The following BTN3A3 variants were observed in gnomAD, a reference collection of about 807,000 sequenced individuals.
The protein encoded by BTN3A3 is butyrophilin 3.
BTN3A3 carries 39 observed loss-of-function variants against 43.2 expected under a neutral mutation model. The ratio of observed to expected loss-of-function variants is 0.90; its 90% CI spans 0.70 to 1.18. The LOEUF is 1.18. BTN3A3 is among the 50% of genes most tolerant of loss of function. BTN3A3 has a pLI of 0.00. For missense variants in BTN3A3, 631 were observed against 722.8 expected (o/e 0.87, Z 1.46); for synonymous variants, 255 against 272.7 (o/e 0.93, Z 0.64).
At chr6:26,448,084 G>A (rs1329869291) in intron 5 of BTN3A3, among the ~76,000 whole-genome samples, 164 bp from the exon 6 acceptor site, 4 of 152,154 alleles carry the variant, frequency 2.6e-5, no homozygotes, top group Non-Finnish European at 4.4e-5. Context: ...GTTTACCAAA[G>A]TCCTCTCTAC....
chr6:26,443,874 G>A (rs934771022), intron 3 of BTN3A3, 83 bp from the exon 4 acceptor site: 71 of 1,600,452 alleles, frequency 4.4e-5, no homozygotes, highest in African/African-American at 2.7e-4. Context: ...TCTGTATCTC[G>A]CCTTCCCTGT....
intron 8 of BTN3A3, among the ~76,000 whole-genome samples, chr6:26,448,961 G>A (rs1487443364): frequency 6.6e-6 from 1 of 151,782 alleles, no homozygotes; most frequent in South Asian, 2.1e-4. Flanking sequence ...TCTAAGAAAA[G>A]AAAAAGAGGT....
chr6:26,444,778 G>T, intron 4 of BTN3A3: 1 of 247,880 alleles, frequency 4.0e-6, no homozygotes, highest in Non-Finnish European at 7.9e-6. Flanking sequence ...TTGTTGCTTT[G>T]AGGAAGAACA....
chr6:26,442,958 A>G (rs1438103088), intron 1 of BTN3A3, among the ~76,000 whole-genome samples: 3 of 152,228 alleles, frequency 2.0e-5, no homozygotes, highest in African/African-American at 4.8e-5. Flanking sequence ...TGCTCAGTAA[A>G]TACTTGTTGA....
chr6:26,448,809 C>A (rs1437265876), intron 8 of BTN3A3, 55 bp downstream of exon 8: 2 of 1,607,652 alleles, frequency 1.2e-6, no homozygotes, highest in Non-Finnish European at 1.7e-6. Flanking sequence ...TGACTCTCTT[C>A]TGCTTGGAAA....
chr6:26,448,449 G>T lies in BTN3A3; in HGVS notation c.916+1G>T. ...ACAGAGCAAGAAATAAGCCTAAGAGGTATCCAACGCAAGCAGAGAATCTAA... is the reference window on the plus strand; with the variant it reads ...ACAGAGCAAGAAATAAGCCTAAGAGTTATCCAACGCAAGCAGAGAATCTAA... On this transcript the variant is annotated splice_donor_variant, in intron 6 of 10. Transcript: ENST00000244519. LOFTEE classifies it high-confidence loss of function. 6.2e-7 allele frequency: 1 copy of T among 1,612,362 alleles called. No homozygotes were observed. Among genetic ancestry groups the T allele is most frequent in the East Asian group, 2.2e-5 (1 of 44,860 alleles).
At chr6:26,444,792 A>G (rs1019712155) in intron 4 of BTN3A3, 2 of 240,036 alleles carry the variant, frequency 8.3e-6, no homozygotes, top group South Asian at 1.1e-4. Context: ...AAGAACACAC[A>G]TCATGGGGAG....
At chr6:26,441,593 A>C (rs557071478) in intron 1 of BTN3A3, among the ~76,000 whole-genome samples, 39 of 152,150 alleles carry the variant, frequency 2.6e-4, no homozygotes, top group Non-Finnish European at 5.4e-4. Context: ...TAGAGCATGT[A>C]ACTTTTTAAA....
In BTN3A3 at chr6:26,452,116, C is replaced by T. The variant is rs563160901; in HGVS notation, c.1460C>T (p.Pro487Leu). ...GATGGATCTCATATCTACACCTTTC[C>T]GCACGCCTCTTTCTCTGAGCCTCTA... ...ATDGSHIYTF[P>L]HASFSEPLYP... Residue 487 changes from proline (P) to leucine (L), a missense_variant, in exon 11 of 11, where the codon CCG (proline) becomes CTG (leucine). Transcript: ENST00000244519. The T allele has an allele frequency of 1.1e-4, 182 of 1,614,088 alleles. 1 individual carries two copies. In the Admixed American group the frequency reaches 1.3e-3, roughly 12 times the overall value.
intron 4 of BTN3A3, chr6:26,445,184 G>A (rs1474819574): frequency 1.2e-5 from 2 of 161,350 alleles, no homozygotes; most frequent in Non-Finnish European, 2.8e-5. Flanking sequence ...AATTACTTAT[G>A]TTCAACAGGA....
rs752082760 is a variant in BTN3A3 at position 26,452,141 on chromosome 6, A to G, written c.1485A>G (p.Leu495=). 43 of 1,614,100 alleles carry G rather than the reference A, an allele frequency of 2.7e-5. 1 individual carries two copies. The South Asian group carries it at 3.7e-4, about 14-fold the overall frequency. The stretch of plus-strand genomic sequence containing the variant: ...CGCACGCCTCTTTCTCTGAGCCTCT[A>G]TATCCTGTTTTCAGAATTTTGACCT... The part of the protein sequence containing the change: ...TFPHASFSEP[L]YPVFRILTLE... The change falls in exon 11 of 11, where the codon CTA becomes CTG. Residue 495 remains leucine (L), a synonymous_variant. Transcript: ENST00000244519.
chr6:26,443,612 A>G lies in BTN3A3; in HGVS notation c.38A>G (p.Asn13Ser). ...MASSLAFLLL[N>S]FHVSLFLVQL... ...AGTTCCCTGGCTTTCCTTCTGCTCA[A>G]CTTTCATGTCTCCCTCTTCTTGGTC... Residue 13 changes from asparagine (N) to serine (S), a missense_variant, in exon 3 of 11, where the codon AAC becomes AGC. Asn to Ser is a conservative substitution (Grantham distance 46, BLOSUM62 1). Coordinates refer to ENST00000244519, the MANE Select transcript of BTN3A3 (RefSeq NM_006994.5). 3 of 1,614,172 alleles carry G rather than the reference A, an allele frequency of 1.9e-6. No homozygotes were observed. Among genetic ancestry groups the G allele is most frequent in the Non-Finnish European group, 2.5e-6 (3 of 1,180,032 alleles).
At chr6:26,449,969 A>G in intron 9 of BTN3A3, 138 bp from the exon 10 acceptor site, 4 of 1,059,114 alleles carry the variant, frequency 3.8e-6, no homozygotes, top group Non-Finnish European at 5.6e-6. Context: ...CTGATCTATC[A>G]GAGCTGTAGA....
chr6:26,444,799 G>A, intron 4 of BTN3A3: 2 of 234,380 alleles, frequency 8.5e-6, no homozygotes, highest in Non-Finnish European at 1.7e-5. Context: ...CACATCATGG[G>A]GAGCTGTGGC....
At position 26,448,583 on chromosome 6, in the gene BTN3A3, C is replaced by CT. The variant is rs533077394; in HGVS notation, c.917-27dup. 599 of 1,613,780 alleles carry CT rather than the reference C, an allele frequency of 3.7e-4. 2 individuals are homozygous for CT. In the African/African-American group the frequency reaches 7.2e-3, roughly 19 times the overall value. On this transcript the variant is annotated intron_variant, in intron 6 of 10. Coordinates refer to ENST00000244519, the MANE Select transcript of BTN3A3 (RefSeq NM_006994.5). Reference sequence around the variant, plus strand: ...AAAACCCCCCTTACCCATAACTGTTCTTTTTTTCTTTTCTTTTTTTGCTTA... The same window carrying CT: ...AAAACCCCCCTTACCCATAACTGTTCTTTTTTTTCTTTTCTTTTTTTGCTTA...
At chr6:26,441,264 T>C (rs1279380538) in intron 1 of BTN3A3, among the ~76,000 whole-genome samples, 1 of 152,236 alleles carries the variant, frequency 6.6e-6, no homozygotes, top group African/African-American at 2.4e-5. Context: ...GATCCATACA[T>C]TAAACCTTGT....
chr6:26,452,582 A>G lies in BTN3A3; in HGVS notation c.*171A>G, dbSNP rs1236967167. The G allele has an allele frequency of 1.5e-4, 94 of 622,288 alleles. No individual in the cohort carries two copies. Among genetic ancestry groups the G allele is most frequent in the Non-Finnish European group, 4.9e-5 (18 of 365,116 alleles). The allele number at this position is 622,288 out of a possible 1,614,324, so 38.5% of individuals were successfully genotyped here. ...AAACAGCAATAACTAACATTAACAGAGAATTTAAAATGTTCTTAGTGCTGT... is the reference window on the plus strand; with the variant it reads ...AAACAGCAATAACTAACATTAACAGGGAATTTAAAATGTTCTTAGTGCTGT... On this transcript the variant is annotated 3_prime_UTR_variant, in exon 11 of 11. Coordinates refer to ENST00000244519, the MANE Select transcript of BTN3A3 (RefSeq NM_006994.5).
At chr6:26,444,467 C>A in intron 4 of BTN3A3, 163 bp downstream of exon 4, 1 of 1,146,580 alleles carries the variant, frequency 8.7e-7, no homozygotes, top group Non-Finnish European at 1.2e-6. Flanking sequence ...AAGACACATT[C>A]TTTCTTTAGA....
rs150755364 is a variant in BTN3A3, at chr6:26,451,870, A to G, written c.1214A>G (p.Lys405Arg). 80 of 1,614,180 alleles carry G rather than the reference A, an allele frequency of 5.0e-5. No homozygotes were observed. The Middle Eastern group carries it at 8.2e-4, about 17-fold the overall frequency. The change falls in exon 11 of 11, where the codon AAA (lysine) becomes AGA (arginine). Residue 405 changes from lysine (K) to arginine (R), a missense_variant. By Grantham distance (26) the Lys-to-Arg change is conservative (BLOSUM62 2). This residue lies in a region of BTN3A3 where 551 missense variants were observed against 584.0 expected (regional missense o/e 0.94). Coordinates refer to ENST00000244519, the MANE Select transcript of BTN3A3 (RefSeq NM_006994.5). ...TGGGAGGTGGAAGTGGGGGACAGAAAAGAGTGGCATATTGGGGTATGTAGT... is the reference window on the plus strand; with the variant it reads ...TGGGAGGTGGAAGTGGGGGACAGAAGAGAGTGGCATATTGGGGTATGTAGT... The part of the protein sequence containing the change: ...HYWEVEVGDR[K>R]EWHIGVCSKN...
Sources: allele counts gnomAD v4.1 joint callset (sites outside exome capture counted in the v4.1 genomes callset), GRCh38; gene constraint gnomAD v4.1.1; regional missense constraint gnomAD v4.1.1; transcripts MANE v1.5; gene names NCBI Gene and HGNC (gene_info 2026-07-23, HGNC 2026-07-21).